Variants in COL6A6 observed in about 807,000 individuals in gnomAD.
The protein encoded by COL6A6 is collagen type VI alpha 6 chain.
A neutral mutation model predicts 208.6 loss-of-function variants in COL6A6; 183 were observed. The observed-to-expected ratio is 0.88, with a 90% CI of 0.78 to 0.99. The LOEUF (loss-of-function observed/expected upper bound fraction) is 0.99, where lower values mean the gene tolerates loss of function less well. Ranked by LOEUF, COL6A6 falls within the 50% of genes least tolerant of loss-of-function variation. The probability of loss-of-function intolerance (pLI) is 0.00; values close to 1 mark genes in which losing one functional copy is unlikely to be tolerated. For synonymous variants in COL6A6, 973 were observed against 1,011.8 expected, an observed-to-expected ratio of 0.96 and a Z score of 0.73; for missense variants, 2,816 against 2,815.2, an observed-to-expected ratio of 1.00 and a Z score of -0.01.
intron 6 of COL6A6, among the ~76,000 whole-genome samples, chr3:130,570,571 G>A (rs774148010): frequency 1.9e-4 from 29 of 151,980 alleles, no homozygotes; most frequent in Non-Finnish European, 2.9e-4. Context: ...ACTTGACCTC[G>A]TCCCACTCCC....
chr3:130,598,883 A>T (rs148173906), intron 19 of COL6A6, among the ~76,000 whole-genome samples: 2 of 152,232 alleles, frequency 1.3e-5, no homozygotes, highest in Admixed American at 1.3e-4. Flanking sequence ...GCTTAATCTC[A>T]TAAGTCACAA....
intron 36 of COL6A6, among the ~76,000 whole-genome samples, chr3:130,668,828 T>C (rs1057391669): frequency 6.6e-6 from 1 of 152,222 alleles, no homozygotes; most frequent in Non-Finnish European, 1.5e-5. Flanking sequence ...AGTTTGAATA[T>C]TGATAGGTCA....
intron 22 of COL6A6, among the ~76,000 whole-genome samples, chr3:130,609,367 G>T (rs2064282980): frequency 6.6e-6 from 1 of 152,198 alleles, no homozygotes; most frequent in Non-Finnish European, 1.5e-5. Flanking sequence ...GGAAAGAATT[G>T]CTCGAAAGAC....
chr3:130,531,067 C>CACACAG (rs1241684780), intron 1 of COL6A6, among the ~76,000 whole-genome samples: 76 of 135,942 alleles, frequency 5.6e-4, no homozygotes, highest in African/African-American at 2.7e-3. Flanking sequence ...CACAGTCTCT[C>CACACAG]TCTCTCTCTC....
In COL6A6 at chr3:130,675,343, C is replaced by G; in HGVS notation, c.6738C>G (p.Ser2246=). ...TTCAAAATTTTATGAGAAGCACCTC[C>G]CATACCTTTAAGAATGGAAGGATGA... ...DAIQNFMRST[S]HTFKNGRMIE... Residue 2246 remains serine, a synonymous_variant, in exon 37 of 37, where the codon TCC becomes TCG. Transcript: ENST00000358511. The G allele has an allele frequency of 6.2e-7, 1 of 1,601,444 alleles. No homozygotes were observed. The highest frequency in any genetic ancestry group is 8.5e-7 in the Non-Finnish European group (1 of 1,173,564).
chr3:130,634,520 A>G, intron 26 of COL6A6, 70 bp from the exon 27 acceptor site: 1 of 1,382,994 alleles, frequency 7.2e-7, no homozygotes, highest in Non-Finnish European at 1.0e-6. Flanking sequence ...GCAGCAGGTA[A>G]ATTGAAAATC....
chr3:130,536,196 C>T (rs2062220518), intron 1 of COL6A6, among the ~76,000 whole-genome samples: 1 of 152,202 alleles, frequency 6.6e-6, no homozygotes, highest in Non-Finnish European at 1.5e-5. Context: ...TTCTTCTCCA[C>T]TTTTTTCTAC....
At chr3:130,563,969 G>T (rs1367982193) in intron 3 of COL6A6, among the ~76,000 whole-genome samples, 1 of 152,138 alleles carries the variant, frequency 6.6e-6, no homozygotes, top group Non-Finnish European at 1.5e-5. Context: ...GGCTTTAGTT[G>T]CTATGTAGTT....
Position 130,675,865 on chromosome 3 carries a change from A to G in COL6A6, c.*468A>G, listed in dbSNP as rs1182687369. 1.3e-5 allele frequency: 2 copies of G among 152,426 alleles called. No homozygotes were observed. The highest frequency in any genetic ancestry group is 1.9e-4 in the East Asian group (1 of 5,196). 9.4% of individuals were successfully genotyped at this position (152,426 alleles called of 1,614,324 possible). A position where few individuals can be genotyped will look rare whatever the true frequency, so the allele number is the denominator to read the frequency against. ...TATCCTAGAAATGGATGCTGTTTAT[A>G]TGTCGTATTTTTTTAAAACGTGACC... is the stretch of plus-strand genomic sequence containing the variant. On this transcript the variant is annotated 3_prime_UTR_variant, in exon 37 of 37. Transcript: ENST00000358511.
In COL6A6 at chr3:130,570,721, T is replaced by C. The variant is rs547039436; in HGVS notation, c.2402-97T>C. On this transcript the variant is annotated intron_variant, in intron 6 of 36. Coordinates refer to ENST00000358511, the MANE Select transcript of COL6A6 (RefSeq NM_001102608.3). ...ATTCTAATGCACAGCATGATCCCCT[T>C]GGAGAGAAAACACTAGCAATTTATA... 91 of 876,180 alleles carry C rather than the reference T, an allele frequency of 1.0e-4. No individual in the cohort carries two copies. In the South Asian group the frequency reaches 1.4e-3, roughly 14 times the overall value. 54.3% of individuals were successfully genotyped at this position (876,180 alleles called of 1,614,324 possible).
chr3:130,636,527 T>A (rs2065114837), intron 28 of COL6A6, among the ~76,000 whole-genome samples: 1 of 152,186 alleles, frequency 6.6e-6, no homozygotes, highest in African/African-American at 2.4e-5. Flanking sequence ...TCAGGCAAAC[T>A]GGTCTTAATT....
chr3:130,654,129 C>A (rs1298390728), intron 33 of COL6A6, among the ~76,000 whole-genome samples: 2 of 152,206 alleles, frequency 1.3e-5, no homozygotes, highest in Non-Finnish European at 2.9e-5. Context: ...AAACTCTAAT[C>A]ATAAAGGTAG....
At chr3:130,547,336 A>G (rs1282364924) in intron 1 of COL6A6, among the ~76,000 whole-genome samples, 1 of 152,214 alleles carries the variant, frequency 6.6e-6, no homozygotes, top group East Asian at 1.9e-4. Flanking sequence ...GGCTGGTGGC[A>G]CCTGCCAGCC....
chr3:130,628,733 C>T lies in COL6A6; in HGVS notation c.4992+1364C>T, dbSNP rs534182379. Among the ~76,000 whole-genome samples, 7 of 121,676 alleles carry T rather than the reference C, an allele frequency of 5.8e-5. 2 individuals are homozygous for T. In the East Asian group the frequency reaches 8.7e-4, roughly 15 times the overall value. The allele number at this position is 121,676 out of a possible 152,430, so 79.8% of individuals were successfully genotyped here. On this transcript the variant is annotated intron_variant, in intron 26 of 36. Coordinates refer to ENST00000358511, the MANE Select transcript of COL6A6 (RefSeq NM_001102608.3). Reference sequence around the variant, plus strand: ...AATGAAATCCATTTTAAGATCGTGTCGAAGATGGCCGAATAGGAACAGCTC... The same window carrying T: ...AATGAAATCCATTTTAAGATCGTGTTGAAGATGGCCGAATAGGAACAGCTC...
At chr3:130,566,211 T>C (rs1281739477) in intron 4 of COL6A6, among the ~76,000 whole-genome samples, 1 of 152,224 alleles carries the variant, frequency 6.6e-6, no homozygotes, top group Non-Finnish European at 1.5e-5. Flanking sequence ...TAAATATTTA[T>C]AGCATATTTA....
At chr3:130,655,203 A>T (rs1348657917) in intron 33 of COL6A6, among the ~76,000 whole-genome samples, 1 of 152,102 alleles carries the variant, frequency 6.6e-6, no homozygotes, top group Non-Finnish European at 1.5e-5. Context: ...CCTCATAGAT[A>T]AGCAATTTTG....
At chr3:130,590,685 G>A (rs1030564753) in intron 12 of COL6A6, among the ~76,000 whole-genome samples, 7 of 151,534 alleles carry the variant, frequency 4.6e-5, no homozygotes, top group South Asian at 2.1e-4. Flanking sequence ...CTCCTGCCTC[G>A]GCCTCCTGAG....
intron 34 of COL6A6, 31 bp from the exon 35 acceptor site, chr3:130,661,606 T>C (rs2065932894): frequency 6.5e-7 from 1 of 1,549,024 alleles, no homozygotes; most frequent in South Asian, 1.2e-5. Flanking sequence ...CTATTTCTAC[T>C]TAGTAACCCA....
rs774010637 is a variant in COL6A6 at position 130,571,275 on chromosome 3, C to T, written c.2859C>T (p.Pro953=). The T allele has an allele frequency of 1.1e-4, 174 of 1,613,910 alleles. No individual in the cohort carries two copies. In the Admixed American group the frequency reaches 2.3e-3, roughly 22 times the overall value. The part of the protein sequence containing the change: ...VLAVGIDGAN[P]VELLAMAGSS... ...CTGTGGGGATTGATGGTGCCAATCC[C>T]GTGGAGCTGTTAGCCATGGCAGGAT... The change falls in exon 7 of 37, where the codon CCC becomes CCT. Residue 953 remains proline (P), a synonymous_variant. Coordinates refer to ENST00000358511, the MANE Select transcript of COL6A6 (RefSeq NM_001102608.3).
Sources: gnomAD v4.1 joint callset for allele counts (sites outside exome capture counted in the v4.1 genomes callset) on GRCh38, gnomAD v4.1.1 for gene constraint, MANE v1.5 for transcripts, NCBI Gene and HGNC (gene_info 2026-07-23, HGNC 2026-07-21) for gene names.